HS3ST4: variants seen among roughly 807,000 people sequenced by gnomAD.
HS3ST4 encodes heparan sulfate-glucosamine 3-sulfotransferase 4, also known as heparan sulfate glucosamine 3-O-sulfotransferase 4.
Under a neutral mutation model 29.2 loss-of-function variants are expected in HS3ST4, and 17 were observed. The ratio of observed to expected loss-of-function variants is 0.58; its 90% confidence interval spans 0.40 to 0.87. The LOEUF is 0.87. Ranked by LOEUF, HS3ST4 falls within the 40% of genes least tolerant of loss-of-function variation. The pLI, the probability that HS3ST4 is intolerant of heterozygous loss-of-function variation, is 0.00. For synonymous variants in HS3ST4, 314 were observed against 285.7 expected (o/e 1.10, Z -1.00); for missense variants, 627 against 634.5 (o/e 0.99, Z 0.13).
chr16:25,788,423 A>AAAT (rs1555465793), intron 1 of HS3ST4, among the ~76,000 whole-genome samples: 1 of 151,624 alleles, frequency 6.6e-6, no homozygotes, highest in East Asian at 1.9e-4. Context: ...CTCAAAAAAA[A>AAAT]AAAAATGCCA....
intron 1 of HS3ST4, among the ~76,000 whole-genome samples, chr16:26,099,050 C>T (rs998769798): frequency 6.6e-6 from 1 of 152,168 alleles, no homozygotes; most frequent in South Asian, 2.1e-4. Context: ...AGACTCACAT[C>T]CACCCTATTA....
intron 1 of HS3ST4, among the ~76,000 whole-genome samples, chr16:25,734,709 T>C (rs1966595252): frequency 6.6e-6 from 1 of 152,106 alleles, no homozygotes; most frequent in African/African-American, 2.4e-5. Context: ...CTGGGTGATA[T>C]GAAGATGAGC....
At chr16:26,018,761 T>C (rs543041056) in intron 1 of HS3ST4, among the ~76,000 whole-genome samples, 1 of 151,798 alleles carries the variant, frequency 6.6e-6, no homozygotes, top group African/African-American at 2.4e-5. Context: ...ATTTTAAAAA[T>C]TGGGAAACCT....
chr16:25,967,249 GTGCAAGTGGTTCTCC>G (rs1446555516), intron 1 of HS3ST4, among the ~76,000 whole-genome samples: 2 of 152,130 alleles, frequency 1.3e-5, no homozygotes, highest in Non-Finnish European at 2.9e-5. Context: ...CACCTCCTGG[GTGCAAGTGGTTCTCC>G]TGCCTCAGTC....
chr16:25,778,463 T>C (rs1279067983), intron 1 of HS3ST4, among the ~76,000 whole-genome samples: 1 of 152,240 alleles, frequency 6.6e-6, no homozygotes, highest in Non-Finnish European at 1.5e-5. Flanking sequence ...GTACTAGGAC[T>C]GAATCTTATT....
chr16:25,722,099 T>C (rs1428483051), intron 1 of HS3ST4, among the ~76,000 whole-genome samples: 1 of 152,206 alleles, frequency 6.6e-6, no homozygotes, highest in Non-Finnish European at 1.5e-5. Flanking sequence ...AAACTTCCAT[T>C]TGTTAGATAA....
intron 1 of HS3ST4, among the ~76,000 whole-genome samples, chr16:26,034,916 G>C (rs915135411): frequency 2.0e-5 from 3 of 152,158 alleles, no homozygotes; most frequent in Non-Finnish European, 4.4e-5. Context: ...CCAGGAGGCA[G>C]ATCTTGCAGT....
At chr16:25,815,627 G>A (rs1967086135) in intron 1 of HS3ST4, among the ~76,000 whole-genome samples, 1 of 152,228 alleles carries the variant, frequency 6.6e-6, no homozygotes, top group East Asian at 1.9e-4. Flanking sequence ...CCGGCCATAA[G>A]TATTATATTT....
At chr16:26,050,074 A>G (rs1898321258) in intron 1 of HS3ST4, among the ~76,000 whole-genome samples, 1 of 152,168 alleles carries the variant, frequency 6.6e-6, no homozygotes, top group East Asian at 1.9e-4. Context: ...TTGGTGATCA[A>G]CTTAATCTTC....
chr16:25,863,231 G>A (rs954912969), intron 1 of HS3ST4, among the ~76,000 whole-genome samples: 1 of 152,014 alleles, frequency 6.6e-6, no homozygotes, highest in African/African-American at 2.4e-5. Context: ...CTACAGGGGT[G>A]CACCACCATG....
intron 1 of HS3ST4, among the ~76,000 whole-genome samples, chr16:25,849,663 T>A (rs1967498682): frequency 6.6e-6 from 1 of 152,024 alleles, no homozygotes; most frequent in Non-Finnish European, 1.5e-5. Flanking sequence ...TGCTGCCACA[T>A]CCAGCTAATA....
chr16:25,897,867 T>C (rs1232323430), intron 1 of HS3ST4, among the ~76,000 whole-genome samples: 1 of 151,976 alleles, frequency 6.6e-6, no homozygotes, highest in African/African-American at 2.4e-5. Context: ...CCCGCCCCCT[T>C]TCTCATTTTA....
intron 1 of HS3ST4, among the ~76,000 whole-genome samples, chr16:25,972,671 G>A (rs911334947): frequency 6.6e-6 from 1 of 152,160 alleles, no homozygotes; most frequent in Non-Finnish European, 1.5e-5. Flanking sequence ...CTAATCTTGG[G>A]GATGACATCC....
intron 1 of HS3ST4, among the ~76,000 whole-genome samples, chr16:25,882,871 C>A (rs1967908554): frequency 6.6e-6 from 1 of 152,158 alleles, no homozygotes; most frequent in Admixed American, 6.5e-5. Context: ...AAACTCGCTT[C>A]TTCCTGCAGA....
chr16:25,959,215 G>A (rs532453518), intron 1 of HS3ST4, among the ~76,000 whole-genome samples: 13 of 152,294 alleles, frequency 8.5e-5, no homozygotes, highest in East Asian at 1.9e-4. Flanking sequence ...ACCTGATCCC[G>A]TTCCTCTTGA....
Position 26,027,452 on chromosome 16 carries a change from T to G in HS3ST4, c.735-108160T>G, listed in dbSNP as rs117576918. On this transcript the variant is annotated intron_variant, in intron 1 of 1. Transcript: ENST00000331351. ...CTATCTCCATATTCTCTGTGAACAT[T>G]GTCTACTTTGTCATGTCATTATTTA... Among the ~76,000 whole-genome samples the G allele has an allele frequency of 6.8e-3, 1,035 of 152,344 alleles. 11 individuals carry two copies. The highest frequency in any genetic ancestry group is 0.014 in the Middle Eastern group (4 of 294).
chr16:25,838,792 C>G (rs1196035505), intron 1 of HS3ST4, among the ~76,000 whole-genome samples: 7 of 152,196 alleles, frequency 4.6e-5, no homozygotes, highest in Admixed American at 4.6e-4. Context: ...ATAAGGCCAA[C>G]ACTCAGCCGA....
intron 1 of HS3ST4, among the ~76,000 whole-genome samples, chr16:25,813,961 T>C (rs1304158287): frequency 6.6e-6 from 1 of 152,198 alleles, no homozygotes; most frequent in Non-Finnish European, 1.5e-5. Flanking sequence ...TACAGTGGCA[T>C]AGATGCAGCT....
chr16:25,860,882 T>C (rs1251864821), intron 1 of HS3ST4, among the ~76,000 whole-genome samples: 2 of 152,068 alleles, frequency 1.3e-5, no homozygotes, highest in Non-Finnish European at 2.9e-5. Flanking sequence ...GTGATAACGA[T>C]GTGTCAGTGT....
Sources: allele counts gnomAD v4.1 joint callset (sites outside exome capture counted in the v4.1 genomes callset), GRCh38; gene constraint gnomAD v4.1.1; transcripts MANE v1.5; gene names NCBI Gene and HGNC (gene_info 2026-07-23, HGNC 2026-07-21).